CNTNAP5: variants seen among roughly 807,000 people sequenced by gnomAD.
CNTNAP5 encodes contactin-associated protein-like 5.
Under a neutral mutation model 150.2 loss-of-function variants are expected in CNTNAP5, and 72 were observed. The observed-to-expected ratio is 0.48, with a 90% CI of 0.40 to 0.58. The LOEUF (loss-of-function observed/expected upper bound fraction) is 0.58, where lower values mean the gene tolerates loss of function less well. Ranked by LOEUF, CNTNAP5 falls within the 20% of genes least tolerant of loss-of-function variation. The pLI is 0.00. For synonymous variants in CNTNAP5, 672 were observed against 619.8 expected, an observed-to-expected ratio of 1.08 and a Z score of -1.25; for missense variants, 1,636 against 1,626.2, an observed-to-expected ratio of 1.01 and a Z score of -0.10.
intron 4 of CNTNAP5, among the ~76,000 whole-genome samples, chr2:124,426,127 G>A (rs923916312): frequency 5.3e-5 from 8 of 151,654 alleles, no homozygotes; most frequent in African/African-American, 1.5e-4. Context: ...CTGAGGTTAC[G>A]ACTGGAATTC....
At chr2:124,759,168 A>G (rs182443733) in intron 14 of CNTNAP5, among the ~76,000 whole-genome samples, 50 of 152,002 alleles carry the variant, frequency 3.3e-4, no homozygotes, top group African/African-American at 1.2e-3. Context: ...GAGAAGACAA[A>G]CAGTTGGTGT....
At chr2:124,772,542 C>A (rs1053998978) in intron 16 of CNTNAP5, among the ~76,000 whole-genome samples, 1 of 152,070 alleles carries the variant, frequency 6.6e-6, no homozygotes, top group Non-Finnish European at 1.5e-5. Context: ...GCAGGTATAT[C>A]AGATGAGCAT....
Position 124,764,567 on chromosome 2 carries a change from C to A in CNTNAP5, c.2533+420C>A, listed in dbSNP as rs78245044. Among the ~76,000 whole-genome samples the A allele has an allele frequency of 4.2e-3, 641 of 152,258 alleles. 3 individuals are homozygous for A. The highest frequency in any genetic ancestry group is 0.015 in the African/African-American group (608 of 41,548). ...AAGTAATTTCCTGACTTATTTCCCA[C>A]ACTAGGAGCGTGTGACTATCCAATC... On this transcript the variant is annotated intron_variant, in intron 16 of 23. Coordinates refer to ENST00000682447, the MANE Select transcript of CNTNAP5 (RefSeq NM_001367498.1).
intron 19 of CNTNAP5, among the ~76,000 whole-genome samples, chr2:124,848,061 A>G (rs1052391798): frequency 2.0e-5 from 3 of 152,168 alleles, no homozygotes; most frequent in Admixed American, 6.6e-5. Context: ...CGATACATAT[A>G]AACACTGTGT....
intron 1 of CNTNAP5, among the ~76,000 whole-genome samples, chr2:124,047,350 A>G (rs1053358492): frequency 2.0e-5 from 3 of 152,370 alleles, no homozygotes; most frequent in African/African-American, 4.8e-5. Context: ...CTTATTTTAC[A>G]GAGGAGAAAG....
chr2:124,545,307 C>T (rs913244612), intron 10 of CNTNAP5, among the ~76,000 whole-genome samples: 1 of 151,990 alleles, frequency 6.6e-6, no homozygotes, highest in African/African-American at 2.4e-5. Flanking sequence ...AGGTACTCTG[C>T]TTGGTCAACA....
At chr2:124,518,548 A>G (rs1166696437) in intron 8 of CNTNAP5, among the ~76,000 whole-genome samples, 2 of 152,318 alleles carry the variant, frequency 1.3e-5, no homozygotes, top group African/African-American at 4.8e-5. Flanking sequence ...GAATTGCCCT[A>G]TGACTGAGCA....
intron 8 of CNTNAP5, among the ~76,000 whole-genome samples, chr2:124,516,217 G>A (rs1181509601): frequency 3.3e-5 from 5 of 152,136 alleles, no homozygotes; most frequent in East Asian, 1.9e-4. Flanking sequence ...ACTAGTAATC[G>A]TAATATACTC....
chr2:124,453,348 A>G (rs1693036189), intron 6 of CNTNAP5, among the ~76,000 whole-genome samples: 1 of 151,960 alleles, frequency 6.6e-6, no homozygotes, highest in Non-Finnish European at 1.5e-5. Context: ...ATAGAATAAG[A>G]AAATATGAAC....
rs533767830 is a variant in CNTNAP5 at position 124,123,621 on chromosome 2, A to G, written c.82+97889A>G. Reference sequence around the variant, plus strand: ...GAATGCCTCCTCAAGTGGGTCCCTGACCCCCGAGTAGCCTAACTGGGAGAC... The same window carrying G: ...GAATGCCTCCTCAAGTGGGTCCCTGGCCCCCGAGTAGCCTAACTGGGAGAC... On this transcript the variant is annotated intron_variant, in intron 1 of 23. Coordinates refer to ENST00000682447, the MANE Select transcript of CNTNAP5 (RefSeq NM_001367498.1). Among the ~76,000 whole-genome samples the G allele has an allele frequency of 2.6e-4, 40 of 152,134 alleles. No individual in the cohort carries two copies. The South Asian group carries it at 7.3e-3, about 28-fold the overall frequency.
intron 13 of CNTNAP5, among the ~76,000 whole-genome samples, chr2:124,746,296 G>T (rs1018588655): frequency 6.6e-6 from 1 of 152,022 alleles, no homozygotes; most frequent in Non-Finnish European, 1.5e-5. Context: ...CTAAGCTACT[G>T]AAATATTCTC....
chr2:124,791,851 C>A (rs1681741677), intron 18 of CNTNAP5, among the ~76,000 whole-genome samples: 1 of 152,066 alleles, frequency 6.6e-6, no homozygotes, highest in Admixed American at 6.6e-5. Flanking sequence ...AAGTGTGTGC[C>A]TAGCCTTTTC....
chr2:124,104,686 C>T (rs80141007), intron 1 of CNTNAP5, among the ~76,000 whole-genome samples: 4,197 of 152,220 alleles, frequency 0.028, 203 homozygotes, highest in African/African-American at 0.095. Flanking sequence ...ACTCTGAACA[C>T]TTGCAGAACG....
chr2:124,713,318 C>CA (rs1553434509), intron 13 of CNTNAP5, among the ~76,000 whole-genome samples: 1 of 43,926 alleles, frequency 2.3e-5, no homozygotes, highest in Non-Finnish European at 4.6e-5. Context: ...CTCTTTCTTT[C>CA]CTTTCTTTCT....
At position 124,892,338 on chromosome 2, in the gene CNTNAP5, T is replaced by C. The variant is rs535140938; in HGVS notation, c.3437-10544T>C. On this transcript the variant is annotated intron_variant, in intron 21 of 23. Transcript: ENST00000682447. ...ATATAAATTTCCAAGAACTGATGACTCTGTGAGCTGGACAATCCCTTAGGG... is the reference window on the plus strand; with the variant it reads ...ATATAAATTTCCAAGAACTGATGACCCTGTGAGCTGGACAATCCCTTAGGG... 2.0e-5 allele frequency among the ~76,000 whole-genome samples: 3 copies of C among 152,280 alleles called. No individual in the cohort carries two copies. The South Asian group carries it at 6.2e-4, about 32-fold the overall frequency.
In CNTNAP5 at chr2:124,360,852, G is replaced by A. The variant is rs1177158698; in HGVS notation, c.382-56591G>A. The stretch of plus-strand genomic sequence containing the variant: ...CTGTATTTCCTGAATCTGAACGTTG[G>A]CCTGCCTTGCTAGATTGGGGAAGTT... On this transcript the variant is annotated intron_variant, in intron 3 of 23. Transcript: ENST00000682447. Among the ~76,000 whole-genome samples, 2 of 130,928 alleles carry A rather than the reference G, an allele frequency of 1.5e-5. 1 individual carries two copies. The highest frequency in any genetic ancestry group is 3.2e-5 in the Non-Finnish European group (2 of 61,592). The allele number at this position is 130,928 out of a possible 152,430, so 85.9% of individuals were successfully genotyped here.
intron 2 of CNTNAP5, among the ~76,000 whole-genome samples, chr2:124,240,557 A>G (rs1043217727): frequency 3.9e-5 from 6 of 152,138 alleles, no homozygotes; most frequent in African/African-American, 1.4e-4. Flanking sequence ...CATAACTGCC[A>G]CTGTATTCAT....
intron 1 of CNTNAP5, among the ~76,000 whole-genome samples, chr2:124,064,263 T>C (rs1682095933): frequency 6.6e-6 from 1 of 152,152 alleles, no homozygotes; most frequent in South Asian, 2.1e-4. Context: ...GCCTGTTACA[T>C]GCTTTAAAGG....
intron 1 of CNTNAP5, among the ~76,000 whole-genome samples, chr2:124,196,165 A>G (rs1364191470): frequency 6.6e-6 from 1 of 152,158 alleles, no homozygotes; most frequent in Non-Finnish European, 1.5e-5. Flanking sequence ...AAATTGTTCA[A>G]GATATTACCT....
Sources: gnomAD v4.1 joint callset for allele counts (sites outside exome capture counted in the v4.1 genomes callset) on GRCh38, gnomAD v4.1.1 for gene constraint, MANE v1.5 for transcripts, NCBI Gene and HGNC (gene_info 2026-07-23, HGNC 2026-07-21) for gene names.